The following ENTREP1 variants were observed in gnomAD, a reference collection of about 807,000 sequenced individuals.
ENTREP1 encodes endosomal transmembrane epsin interactor 1.
At chr9:69,357,795 C>G in the ENTREP1 span, among the ~76,000 whole-genome samples, 1 of 152,144 alleles carries the variant, frequency 6.6e-6, no homozygotes, top group Non-Finnish European at 1.5e-5. Context: ...TTTTGCTAAA[C>G]CAGTTCAGAA....
the ENTREP1 span, chr9:69,325,280 G>A: frequency 3.2e-5 from 1 of 31,108 alleles, no homozygotes; most frequent in Non-Finnish European, 3.6e-5. Context: ...GCAGCCGGCC[G>A]CACCCGGCCG....
the ENTREP1 span, chr9:69,325,590 C>T: frequency 4.9e-6 from 6 of 1,226,932 alleles, no homozygotes; most frequent in Non-Finnish European, 6.1e-6. Flanking sequence ...CTGCTGCCCG[C>T]CCGCCCGCTG....
the ENTREP1 span, chr9:69,387,814 CT>C: frequency 4.7e-6 from 5 of 1,070,678 alleles, no homozygotes; most frequent in South Asian, 8.1e-5. Context: ...CACATTTTTC[CT>C]GCTTGGCCCA....
At chr9:69,341,444 A>G in the ENTREP1 span, among the ~76,000 whole-genome samples, 1 of 151,698 alleles carries the variant, frequency 6.6e-6, no homozygotes, top group African/African-American at 2.4e-5. Context: ...ATAAAACCTC[A>G]TTACCTGAAG....
At chr9:69,338,287 TG>T in the ENTREP1 span, among the ~76,000 whole-genome samples, 3 of 152,192 alleles carry the variant, frequency 2.0e-5, no homozygotes, top group African/African-American at 7.2e-5. Context: ...AAATTTTGGT[TG>T]GTGTTTATAC....
At chr9:69,343,622 C>A in the ENTREP1 span, among the ~76,000 whole-genome samples, 1 of 152,136 alleles carries the variant, frequency 6.6e-6, no homozygotes, top group African/African-American at 2.4e-5. Flanking sequence ...TATCGCTAGT[C>A]ACTAGGGAAA....
chr9:69,378,735 G>A, the ENTREP1 span, among the ~76,000 whole-genome samples: 1 of 149,476 alleles, frequency 6.7e-6, no homozygotes, highest in Admixed American at 6.6e-5. Flanking sequence ...CTCCAGCCTG[G>A]GTGAGAGCGA....
At chr9:69,355,819 G>C in the ENTREP1 span, among the ~76,000 whole-genome samples, 2 of 152,200 alleles carry the variant, frequency 1.3e-5, no homozygotes, top group Non-Finnish European at 2.9e-5. Context: ...GCTAGGGCTG[G>C]TGACGAGAGC....
chr9:69,367,096 T>A, the ENTREP1 span, among the ~76,000 whole-genome samples: 1 of 8,284 alleles, frequency 1.2e-4, no homozygotes, highest in African/African-American at 7.2e-4. Flanking sequence ...AAACAATTTT[T>A]TTTTTTTTTT....
chr9:69,387,181 G>C, the ENTREP1 span: 1 of 152,216 alleles, frequency 6.6e-6, no homozygotes, highest in African/African-American at 2.4e-5. Context: ...GCTTCTGGAA[G>C]ACTCTTGCTG....
At chr9:69,325,546 C>A in the ENTREP1 span, 2 of 1,168,018 alleles carry the variant, frequency 1.7e-6, no homozygotes, top group Non-Finnish European at 2.1e-6. Context: ...GCCGGGCAGT[C>A]GCCGCCGCTG....
the ENTREP1 span, chr9:69,325,389 G>GCGC: frequency 1.8e-6 from 2 of 1,125,594 alleles, no homozygotes; most frequent in Admixed American, 5.0e-5. Context: ...GGGGGCCCGG[G>GCGC]CGCCGCTGCC....
At chr9:69,336,262 T>C in the ENTREP1 span, 6 of 1,584,780 alleles carry the variant, frequency 3.8e-6, no homozygotes, top group Admixed American at 6.7e-5. Context: ...AGGCCTATGA[T>C]ACTCCTGGTA....
At chr9:69,327,999 G>A in the ENTREP1 span, among the ~76,000 whole-genome samples, 1 of 152,156 alleles carries the variant, frequency 6.6e-6, no homozygotes, top group Non-Finnish European at 1.5e-5. Context: ...AAAAAGCCTT[G>A]TATCACATGT....
chr9:69,360,607 T>G, the ENTREP1 span, among the ~76,000 whole-genome samples: 1 of 152,218 alleles, frequency 6.6e-6, no homozygotes, highest in South Asian at 2.1e-4. Flanking sequence ...TTCCATATAT[T>G]CAAGTACATC....
the ENTREP1 span, among the ~76,000 whole-genome samples, chr9:69,361,645 T>G: frequency 8.5e-5 from 13 of 152,346 alleles, no homozygotes; most frequent in African/African-American, 3.1e-4. Flanking sequence ...GTGGTATAAA[T>G]TTAACTTTGT....
the ENTREP1 span, among the ~76,000 whole-genome samples, chr9:69,358,401 G>T: frequency 6.6e-6 from 1 of 152,242 alleles, no homozygotes; most frequent in South Asian, 2.1e-4. Context: ...TCTTTCATTT[G>T]TTCATTGACT....
At chr9:69,353,319 AT>A in the ENTREP1 span, among the ~76,000 whole-genome samples, 3 of 152,228 alleles carry the variant, frequency 2.0e-5, no homozygotes, top group African/African-American at 7.2e-5. Flanking sequence ...TGTTATGAGA[AT>A]TCTCAATAGA....
At chr9:69,337,489 C>CT in the ENTREP1 span, among the ~76,000 whole-genome samples, 1 of 151,922 alleles carries the variant, frequency 6.6e-6, no homozygotes, top group African/African-American at 2.4e-5. Flanking sequence ...GTGATTTTAT[C>CT]TTTTTTTGTT....
Sources: gnomAD v4.1 joint callset for allele counts (sites outside exome capture counted in the v4.1 genomes callset) on GRCh38, gnomAD v4.1.1 for gene constraint, MANE v1.5 for transcripts, NCBI Gene and HGNC (gene_info 2026-07-23, HGNC 2026-07-21) for gene names.